Variants in BRMS1L observed in about 807,000 individuals in gnomAD.
BRMS1L encodes the protein BRMS1 like transcriptional repressor.
In BRMS1L, 23 loss-of-function variants were observed where a neutral mutation model predicts 50.3. That is an observed-to-expected ratio of 0.46 (90% confidence interval 0.33 to 0.65). BRMS1L has a LOEUF of 0.65. BRMS1L is among the 30% of genes least tolerant of loss of function. BRMS1L has a pLI of 0.02. For synonymous variants in BRMS1L, 114 were observed against 126.9 expected (o/e 0.90, Z 0.69); for missense variants, 286 against 386.1 (o/e 0.74, Z 2.17).
chr14:35,831,298 C>T, intron 1 of BRMS1L, 112 bp from the exon 2 acceptor site: 1 of 705,936 alleles, frequency 1.4e-6, no homozygotes, highest in Non-Finnish European at 2.4e-6. Flanking sequence ...TATAGGTCTT[C>T]TCTTCATATT....
At chr14:35,843,253 G>T (rs555896576) in intron 4 of BRMS1L, among the ~76,000 whole-genome samples, 2 of 152,288 alleles carry the variant, frequency 1.3e-5, no homozygotes, top group African/African-American at 2.4e-5. Flanking sequence ...TGGAGGAGAA[G>T]AGGCGTTCTG....
intron 2 of BRMS1L, among the ~76,000 whole-genome samples, chr14:35,832,373 G>A (rs1595659593): frequency 1.3e-5 from 2 of 148,802 alleles, no homozygotes; most frequent in African/African-American, 5.0e-5. Flanking sequence ...AAAAAAATTA[G>A]CCGGGCGCCT....
chr14:35,830,521 C>T (rs1020870318), intron 1 of BRMS1L, among the ~76,000 whole-genome samples: 2 of 151,750 alleles, frequency 1.3e-5, no homozygotes, highest in Admixed American at 1.3e-4. Context: ...CTATGTCTGG[C>T]TAATTTTTGT....
In BRMS1L at chr14:35,867,987, G is replaced by T; in HGVS notation, c.809G>T (p.Arg270Leu). 6.2e-7 allele frequency: 1 copy of T among 1,610,922 alleles called. No homozygotes were observed. The highest frequency in any genetic ancestry group is 1.1e-5 in the South Asian group (1 of 90,626). ...RLYYDGEWYI[R>L]GQTICIDKKD... is the part of the protein sequence containing the mutation. ...TATTATGATGGTGAATGGTATATAC[G>T]TGGACAAACAATATGTATTGATAAA... The change falls in exon 9 of 10, where the codon CGT becomes CTT. Residue 270 changes from arginine (R) to leucine (L), a missense_variant. Transcript: ENST00000216807.
intron 7 of BRMS1L, among the ~76,000 whole-genome samples, chr14:35,865,289 C>T (rs1307900181): frequency 5.3e-5 from 8 of 152,162 alleles, no homozygotes; most frequent in African/African-American, 1.4e-4. Context: ...ATAACATCAC[C>T]ATCTGTGCCT....
At chr14:35,866,327 A>G (rs1401595942) in intron 8 of BRMS1L, among the ~76,000 whole-genome samples, 1 of 152,188 alleles carries the variant, frequency 6.6e-6, no homozygotes, top group East Asian at 1.9e-4. Context: ...AAGCTAGACT[A>G]AAAAGAAAAA....
chr14:35,840,873 A>G (rs952841438), intron 4 of BRMS1L, among the ~76,000 whole-genome samples: 2 of 148,888 alleles, frequency 1.3e-5, no homozygotes, highest in Non-Finnish European at 3.0e-5. Context: ...AATCTTTGTT[A>G]TTTCTTGTCT....
At chr14:35,847,791 C>A in intron 4 of BRMS1L, among the ~76,000 whole-genome samples, 1 of 152,330 alleles carries the variant, frequency 6.6e-6, no homozygotes, top group South Asian at 2.1e-4. Flanking sequence ...AGTTTATATA[C>A]CTCACACAAG....
At chr14:35,827,441 G>T (rs1185313757) in intron 1 of BRMS1L, among the ~76,000 whole-genome samples, 2 of 152,208 alleles carry the variant, frequency 1.3e-5, no homozygotes, top group East Asian at 3.8e-4. Context: ...CGATTCAAAT[G>T]ATGGAGATGA....
At chr14:35,831,338 C>T in intron 1 of BRMS1L, 72 bp from the exon 2 acceptor site, 1 of 1,027,706 alleles carries the variant, frequency 9.7e-7, no homozygotes. Flanking sequence ...GAATTACGTT[C>T]AGATATATTT....
intron 4 of BRMS1L, among the ~76,000 whole-genome samples, chr14:35,848,761 T>C (rs146242376): frequency 3.2e-3 from 481 of 152,332 alleles, no homozygotes; most frequent in African/African-American, 0.011. Context: ...CTAGGTTCAT[T>C]CATGTTGTCG....
chr14:35,836,580 A>AG (rs1441098325), intron 4 of BRMS1L, among the ~76,000 whole-genome samples: 3 of 152,190 alleles, frequency 2.0e-5, no homozygotes, highest in Non-Finnish European at 4.4e-5. Context: ...GGGCTCAAGC[A>AG]GTCCTCCTGC....
At chr14:35,863,042 T>C (rs1243096578) in intron 5 of BRMS1L, among the ~76,000 whole-genome samples, 2 of 152,018 alleles carry the variant, frequency 1.3e-5, no homozygotes, top group Non-Finnish European at 2.9e-5. Flanking sequence ...GAGTTCGAGA[T>C]TGCAATTGCA....
At chr14:35,864,414 ACTCGCCTGG>A (rs1456165809) in intron 6 of BRMS1L, among the ~76,000 whole-genome samples, 3 of 151,560 alleles carry the variant, frequency 2.0e-5, no homozygotes, top group Non-Finnish European at 4.4e-5. Flanking sequence ...GGCACGTGCC[ACTCGCCTGG>A]CTAATTTTTG....
At chr14:35,833,625 GAT>G (rs1002850736) in intron 3 of BRMS1L, among the ~76,000 whole-genome samples, 3 of 152,060 alleles carry the variant, frequency 2.0e-5, no homozygotes, top group Non-Finnish European at 4.4e-5. Context: ...AATAAACAAA[GAT>G]GCACTATATT....
intron 4 of BRMS1L, among the ~76,000 whole-genome samples, chr14:35,851,807 A>C (rs942066220): frequency 2.0e-5 from 3 of 152,194 alleles, no homozygotes; most frequent in African/African-American, 7.2e-5. Flanking sequence ...CCAGGCATAC[A>C]TCTGAAGAAA....
chr14:35,834,337 C>G (rs150940499), intron 3 of BRMS1L, among the ~76,000 whole-genome samples: 5 of 152,080 alleles, frequency 3.3e-5, no homozygotes, highest in Non-Finnish European at 7.4e-5. Flanking sequence ...GTCAGGAGCA[C>G]TCCAGACATA....
At chr14:35,856,692 A>C (rs1444807439) in intron 4 of BRMS1L, among the ~76,000 whole-genome samples, 2 of 151,910 alleles carry the variant, frequency 1.3e-5, no homozygotes, top group Non-Finnish European at 2.9e-5. Flanking sequence ...GCTCACTGCA[A>C]ACTCTGCCTC....
chr14:35,826,491 G>T lies in BRMS1L; in HGVS notation c.-26G>T. 6.4e-7 allele frequency: 1 copy of T among 1,563,780 alleles called. No homozygotes were observed. Among genetic ancestry groups the T allele is most frequent in the Non-Finnish European group, 8.7e-7 (1 of 1,154,070 alleles). On this transcript the variant is annotated 5_prime_UTR_variant, in exon 1 of 10. Transcript: ENST00000216807. ...GCGGTGGCCGGGCTGGGCGCCGGTAGTGGAAAGCGACGGCGCGGCTGGAAA... is the reference window on the plus strand; with the variant it reads ...GCGGTGGCCGGGCTGGGCGCCGGTATTGGAAAGCGACGGCGCGGCTGGAAA...
Sources: gnomAD v4.1 joint callset for allele counts (sites outside exome capture counted in the v4.1 genomes callset) on GRCh38, gnomAD v4.1.1 for gene constraint, MANE v1.5 for transcripts, NCBI Gene and HGNC (gene_info 2026-07-23, HGNC 2026-07-21) for gene names.